The following EDIL3 variants were observed in gnomAD, a reference collection of about 807,000 sequenced individuals.
The protein encoded by EDIL3 is EGF like and discoidin domains 3.
Under a neutral mutation model 67.4 loss-of-function variants are expected in EDIL3, and 37 were observed. The observed-to-expected ratio is 0.55, with a 90% CI of 0.42 to 0.72. The LOEUF is 0.72. EDIL3 is among the 30% of genes least tolerant of loss of function. The pLI, the probability that EDIL3 is intolerant of heterozygous loss-of-function variation, is 0.00. For synonymous variants in EDIL3, 195 were observed against 196.3 expected, an observed-to-expected ratio of 0.99 and a Z score of 0.05; for missense variants, 527 against 586.3, an observed-to-expected ratio of 0.90 and a Z score of 1.04.
intron 9 of EDIL3, among the ~76,000 whole-genome samples, chr5:83,979,092 A>C (rs906832938): frequency 6.6e-6 from 1 of 152,118 alleles, no homozygotes; most frequent in African/African-American, 2.4e-5. Flanking sequence ...ACCCATAGAA[A>C]AATTACAGAC....
intron 6 of EDIL3, among the ~76,000 whole-genome samples, chr5:84,068,237 C>CT (rs1441769682): frequency 1.3e-5 from 2 of 151,166 alleles, no homozygotes; most frequent in Non-Finnish European, 1.5e-5. Flanking sequence ...ATGACATTTT[C>CT]TTTTTTTTTA....
intron 6 of EDIL3, among the ~76,000 whole-genome samples, chr5:84,083,745 A>T (rs1263727016): frequency 6.6e-6 from 1 of 152,212 alleles, no homozygotes; most frequent in African/African-American, 2.4e-5. Flanking sequence ...TATCATTACC[A>T]TTCTTCTCAG....
At chr5:84,289,671 C>T (rs961311977) in intron 1 of EDIL3, among the ~76,000 whole-genome samples, 2 of 152,132 alleles carry the variant, frequency 1.3e-5, no homozygotes, top group Non-Finnish European at 2.9e-5. Context: ...AGATGACTAA[C>T]ATCTGATTCT....
chr5:84,193,721 G>A (rs1228310814), intron 3 of EDIL3, among the ~76,000 whole-genome samples: 1 of 151,926 alleles, frequency 6.6e-6, no homozygotes, highest in Non-Finnish European at 1.5e-5. Context: ...GCACATTACT[G>A]CTTTGTGGTA....
intron 9 of EDIL3, among the ~76,000 whole-genome samples, chr5:84,049,632 A>G (rs1215850600): frequency 6.6e-6 from 1 of 152,194 alleles, no homozygotes; most frequent in Non-Finnish European, 1.5e-5. Flanking sequence ...GAATGTTCCA[A>G]TTTCAACATT....
intron 3 of EDIL3, among the ~76,000 whole-genome samples, chr5:84,181,856 G>A (rs1432141304): frequency 1.3e-5 from 2 of 152,058 alleles, no homozygotes; most frequent in Non-Finnish European, 2.9e-5. Flanking sequence ...TATTTATAAG[G>A]AAAAGAAAAG....
intron 9 of EDIL3, among the ~76,000 whole-genome samples, chr5:83,996,172 C>A (rs1226272698): frequency 6.6e-6 from 1 of 152,114 alleles, no homozygotes; most frequent in African/African-American, 2.4e-5. Flanking sequence ...TGAACAAATG[C>A]AAACCTTTAT....
intron 1 of EDIL3, among the ~76,000 whole-genome samples, chr5:84,329,119 A>G (rs1489314367): frequency 6.6e-6 from 1 of 152,128 alleles, no homozygotes; most frequent in Non-Finnish European, 1.5e-5. Flanking sequence ...AGAACAAAAA[A>G]TTGTTATTTT....
At chr5:84,184,890 T>C (rs948058893) in intron 3 of EDIL3, among the ~76,000 whole-genome samples, 9 of 152,252 alleles carry the variant, frequency 5.9e-5, no homozygotes, top group African/African-American at 1.2e-4. Flanking sequence ...AGAAAAAGAT[T>C]ATGTGTTTCA....
At chr5:84,100,858 T>C (rs1747351132) in intron 6 of EDIL3, among the ~76,000 whole-genome samples, 1 of 152,142 alleles carries the variant, frequency 6.6e-6, no homozygotes, top group South Asian at 2.1e-4. Flanking sequence ...AGTTTGGAAA[T>C]AGTCCTGTTA....
At chr5:84,149,332 A>G (rs978096827) in intron 4 of EDIL3, among the ~76,000 whole-genome samples, 19 of 152,176 alleles carry the variant, frequency 1.2e-4, no homozygotes, top group African/African-American at 4.3e-4. Flanking sequence ...CAGAGGGAGC[A>G]ATACTTGGAG....
At chr5:84,352,039 T>C (rs1747371503) in intron 1 of EDIL3, among the ~76,000 whole-genome samples, 1 of 151,988 alleles carries the variant, frequency 6.6e-6, no homozygotes, top group Non-Finnish European at 1.5e-5. Flanking sequence ...GAAAAAATGC[T>C]CAATATCACT....
At chr5:84,150,759 C>T (rs1748375242) in intron 4 of EDIL3, among the ~76,000 whole-genome samples, 1 of 152,120 alleles carries the variant, frequency 6.6e-6, no homozygotes, top group Non-Finnish European at 1.5e-5. Flanking sequence ...TATGATTCAG[C>T]CATTCTACTC....
At chr5:83,956,143 C>T (rs1744510301) in intron 10 of EDIL3, among the ~76,000 whole-genome samples, 1 of 151,674 alleles carries the variant, frequency 6.6e-6, no homozygotes, top group African/African-American at 2.4e-5. Context: ...TTACATTGGG[C>T]ACTAGCCCTC....
At chr5:84,115,430 G>T (rs1215738929) in intron 5 of EDIL3, among the ~76,000 whole-genome samples, 1 of 152,034 alleles carries the variant, frequency 6.6e-6, no homozygotes, top group East Asian at 1.9e-4. Flanking sequence ...AATAAAAATT[G>T]TCTATTAATA....
chr5:84,120,961 C>T (rs1747765233), intron 5 of EDIL3, among the ~76,000 whole-genome samples: 1 of 151,950 alleles, frequency 6.6e-6, no homozygotes, highest in Non-Finnish European at 1.5e-5. Context: ...ACTGAGTCCT[C>T]ATTCATACAT....
At chr5:84,211,149 A>C (rs547071334) in intron 3 of EDIL3, among the ~76,000 whole-genome samples, 1 of 152,340 alleles carries the variant, frequency 6.6e-6, no homozygotes, top group East Asian at 1.9e-4. Context: ...TCATGTTAAA[A>C]TTGATTCCCA....
intron 4 of EDIL3, among the ~76,000 whole-genome samples, chr5:84,176,710 C>A (rs1748921693): frequency 6.6e-6 from 1 of 151,024 alleles, no homozygotes; most frequent in African/African-American, 2.4e-5. Context: ...GTGCTCAATT[C>A]ATTCTATAAT....
chr5:83,950,144 C>T (rs550179035), intron 10 of EDIL3, among the ~76,000 whole-genome samples: 3 of 151,950 alleles, frequency 2.0e-5, no homozygotes, highest in South Asian at 4.1e-4. Context: ...AAAGCTCATT[C>T]CTGGACTCTC....
Sources: gnomAD v4.1 joint callset for allele counts (sites outside exome capture counted in the v4.1 genomes callset) on GRCh38, gnomAD v4.1.1 for gene constraint, MANE v1.5 for transcripts, NCBI Gene and HGNC (gene_info 2026-07-23, HGNC 2026-07-21) for gene names.